DPYD: variants seen among roughly 807,000 people sequenced by gnomAD.
The protein encoded by DPYD is dihydropyrimidine dehydrogenase.
A neutral mutation model predicts 116.2 loss-of-function variants in DPYD; 109 were observed. The observed-to-expected ratio is 0.94, with a 90% CI of 0.80 to 1.10. DPYD has a LOEUF of 1.10. Ranked by LOEUF, DPYD falls within the 50% of genes least tolerant of loss-of-function variation. DPYD has a pLI of 0.00. For missense variants in DPYD, 1,302 were observed against 1,254.5 expected (o/e 1.04, Z -0.57); for synonymous variants, 440 against 432.0 (o/e 1.02, Z -0.23).
chr1:97,601,546 T>C (rs1655248040), intron 8 of DPYD, among the ~76,000 whole-genome samples: 1 of 152,034 alleles, frequency 6.6e-6, no homozygotes, highest in Non-Finnish European at 1.5e-5. Context: ...GATTACAATA[T>C]GGAAGTAAAA....
chr1:97,513,403 T>C (rs1224995763), intron 13 of DPYD, among the ~76,000 whole-genome samples: 1 of 151,720 alleles, frequency 6.6e-6, no homozygotes, highest in African/African-American at 2.4e-5. Flanking sequence ...CGAACTCCCT[T>C]GGTAAGCATT....
chr1:97,336,114 T>C (rs753939746), intron 16 of DPYD, among the ~76,000 whole-genome samples: 4 of 152,222 alleles, frequency 2.6e-5, no homozygotes, highest in Non-Finnish European at 5.9e-5. Context: ...AATGTGACAG[T>C]GTCTCCACCT....
rs1017674230 is a variant in DPYD, at chr1:97,513,205, A to G, written c.1740+2521T>C. ...ATATATATATATATACAGGATGAAA[A>G]TCAAAAGCATGTTCCAAACTCCCAA... On this transcript the variant is annotated intron_variant, in intron 13 of 22. Transcript: ENST00000370192. Among the ~76,000 whole-genome samples, 18 of 151,812 alleles carry G rather than the reference A, an allele frequency of 1.2e-4. No homozygotes were observed. The South Asian group carries it at 1.2e-3, about 10-fold the overall frequency.
intron 3 of DPYD, among the ~76,000 whole-genome samples, chr1:97,822,742 C>T (rs996088488): frequency 2.0e-5 from 3 of 152,126 alleles, no homozygotes; most frequent in Admixed American, 1.3e-4. Context: ...ATGGCTGTCT[C>T]GCTATTCCAT....
chr1:97,280,492 A>T (rs1665249935), intron 18 of DPYD, among the ~76,000 whole-genome samples: 1 of 152,196 alleles, frequency 6.6e-6, no homozygotes, highest in Admixed American at 6.5e-5. Flanking sequence ...ATGGAATCAA[A>T]CTAAATGGCC....
intron 10 of DPYD, among the ~76,000 whole-genome samples, chr1:97,582,869 C>T (rs961382252): frequency 6.6e-6 from 1 of 152,100 alleles, no homozygotes; most frequent in Non-Finnish European, 1.5e-5. Flanking sequence ...GCTGCAAAAC[C>T]CAGATATGCA....
intron 16 of DPYD, among the ~76,000 whole-genome samples, chr1:97,354,635 G>C (rs1231398510): frequency 1.3e-5 from 2 of 152,106 alleles, no homozygotes; most frequent in African/African-American, 4.8e-5. Context: ...ATGGAGAGTG[G>C]TCACAGAAGG....
rs184721983 is a variant in DPYD, at chr1:97,180,076, G to A, written c.2622+12993C>T. Among the ~76,000 whole-genome samples, 17 of 152,052 alleles carry A rather than the reference G, an allele frequency of 1.1e-4. No homozygotes were observed. The East Asian group carries it at 3.1e-3, about 28-fold the overall frequency. ...CGCTGTTCAATATCCATATCATCTT[G>A]AAGCTAAAAATAAATTTAATTATGG... On this transcript the variant is annotated intron_variant, in intron 20 of 22. Transcript: ENST00000370192.
intron 13 of DPYD, among the ~76,000 whole-genome samples, chr1:97,500,221 A>G (rs187518646): frequency 8.0e-4 from 122 of 152,168 alleles, no homozygotes; most frequent in African/African-American, 2.8e-3. Flanking sequence ...ACTCACATCC[A>G]CACAGAAATC....
At position 97,423,851 on chromosome 1, in the gene DPYD, C is replaced by T. The variant is rs143387561; in HGVS notation, c.1905+26208G>A. ...TTTGCACTGAAAAGCTTCTCTGACA[C>T]TGATTACAAAATAAGAAATTAATAT... On this transcript the variant is annotated intron_variant, in intron 14 of 22. Coordinates refer to ENST00000370192, the MANE Select transcript of DPYD (RefSeq NM_000110.4). Among the ~76,000 whole-genome samples, 9 of 152,244 alleles carry T rather than the reference C, an allele frequency of 5.9e-5. No individual in the cohort carries two copies. In the East Asian group the frequency reaches 1.7e-3, roughly 29 times the overall value.
At chr1:97,800,120 T>C (rs934790017) in intron 3 of DPYD, among the ~76,000 whole-genome samples, 6 of 151,966 alleles carry the variant, frequency 3.9e-5, no homozygotes, top group African/African-American at 1.2e-4. Context: ...AGAGTAATAA[T>C]GGTAGTTTAA....
chr1:97,632,527 G>C (rs1657329330), intron 8 of DPYD, among the ~76,000 whole-genome samples: 1 of 152,038 alleles, frequency 6.6e-6, no homozygotes. Flanking sequence ...AATATTTTAA[G>C]ACACACAATA....
chr1:97,460,119 T>C (rs768716925), intron 13 of DPYD, among the ~76,000 whole-genome samples: 1 of 152,166 alleles, frequency 6.6e-6, no homozygotes, highest in Admixed American at 6.5e-5. Flanking sequence ...GCAATTTTTA[T>C]AGTAAAAAAT....
intron 19 of DPYD, among the ~76,000 whole-genome samples, chr1:97,197,038 C>A (rs1178030836): frequency 6.6e-6 from 1 of 152,052 alleles, no homozygotes; most frequent in African/African-American, 2.4e-5. Context: ...GAAACAAAAA[C>A]CCCTTCATTT....
chr1:97,326,188 T>C (rs1378222615), intron 16 of DPYD, among the ~76,000 whole-genome samples: 1 of 151,802 alleles, frequency 6.6e-6, no homozygotes, highest in African/African-American at 2.4e-5. Flanking sequence ...GGAATGAAAA[T>C]TTAAAATTTT....
rs376470184 is a variant in DPYD, at chr1:97,549,638, G to A, written c.1446C>T (p.Val482=). Reference sequence around the variant, plus strand: ...CCACTGTAGTGTTAGCCAAACCAACGACATCACCACCTGCAAATACCCATG... The same window carrying A: ...CCACTGTAGTGTTAGCCAAACCAACAACATCACCACCTGCAAATACCCATG... ...SEAWVFAGGD[V]VGLANTTVES... Residue 482 remains valine, a synonymous_variant, in exon 12 of 23, where the codon GTC becomes GTT. Transcript: ENST00000370192. 4.0e-5 allele frequency: 65 copies of A among 1,613,764 alleles called. No homozygotes were observed. The African/African-American group carries it at 7.5e-4, about 19-fold the overall frequency.
chr1:97,840,583 T>C (rs539995418), intron 2 of DPYD, among the ~76,000 whole-genome samples: 1 of 152,172 alleles, frequency 6.6e-6, no homozygotes, highest in Non-Finnish European at 1.5e-5. Context: ...TTAAAATATG[T>C]GAAGAAAACA....
At chr1:97,262,116 A>T (rs1163397533) in intron 18 of DPYD, among the ~76,000 whole-genome samples, 2 of 152,002 alleles carry the variant, frequency 1.3e-5, no homozygotes, top group Non-Finnish European at 2.9e-5. Context: ...TGGGAACAAC[A>T]TCTTGAATAA....
chr1:97,533,694 A>C (rs1649799880), intron 12 of DPYD, among the ~76,000 whole-genome samples: 1 of 152,184 alleles, frequency 6.6e-6, no homozygotes, highest in Non-Finnish European at 1.5e-5. Flanking sequence ...AGAAGTTCAA[A>C]ATTGTAAGTC....
Sources: gnomAD v4.1 joint callset for allele counts (sites outside exome capture counted in the v4.1 genomes callset) on GRCh38, gnomAD v4.1.1 for gene constraint, MANE v1.5 for transcripts, NCBI Gene and HGNC (gene_info 2026-07-23, HGNC 2026-07-21) for gene names.